USP8: variants seen among roughly 807,000 people sequenced by gnomAD.
USP8 encodes ubiquitin carboxyl-terminal hydrolase 8.
USP8 carries 27 observed loss-of-function variants against 130.0 expected under a neutral mutation model. The ratio of observed to expected loss-of-function variants is 0.21; its 90% CI spans 0.15 to 0.29. The LOEUF (loss-of-function observed/expected upper bound fraction) is 0.29. USP8 is among the 10% of genes least tolerant of loss of function. USP8 has a pLI of 1.00. For synonymous variants in USP8, 392 were observed against 444.1 expected (o/e 0.88, Z 1.48); for missense variants, 1,029 against 1,312.2 (o/e 0.78, Z 3.33).
At chr15:50,490,185 A>C in intron 13 of USP8, 78 bp from the exon 14 acceptor site, 6 of 1,397,736 alleles carry the variant, frequency 4.3e-6, no homozygotes, top group Non-Finnish European at 5.9e-6. Context: ...TTAGCAGAAT[A>C]CTTTGGAGTG....
chr15:50,482,405 TG>T (rs2051807696), intron 11 of USP8, among the ~76,000 whole-genome samples: 1 of 152,226 alleles, frequency 6.6e-6, no homozygotes, highest in Non-Finnish European at 1.5e-5. Flanking sequence ...CTTCTCAGTA[TG>T]GGGAAACTAG....
intron 1 of USP8, 162 bp downstream of exon 1, chr15:50,424,676 G>A (rs2049642080): frequency 2.5e-6 from 1 of 395,366 alleles, no homozygotes; most frequent in Non-Finnish European, 4.5e-6. Context: ...TTGTGGAGAG[G>A]AAAGGCCCAA....
chr15:50,457,001 A>C (rs529848515), intron 4 of USP8, among the ~76,000 whole-genome samples: 1 of 152,256 alleles, frequency 6.6e-6, no homozygotes, highest in African/African-American at 2.4e-5. Context: ...GTGACATGCT[A>C]ATTTCTTCTC....
At chr15:50,464,622 C>A (rs2051121653) in intron 6 of USP8, among the ~76,000 whole-genome samples, 1 of 152,158 alleles carries the variant, frequency 6.6e-6, no homozygotes, top group African/African-American at 2.4e-5. Flanking sequence ...TTTGGGACGC[C>A]AAGGTGGGCA....
intron 12 of USP8, among the ~76,000 whole-genome samples, chr15:50,486,481 C>A (rs143523514): frequency 2.0e-5 from 3 of 151,974 alleles, no homozygotes; most frequent in African/African-American, 7.2e-5. Context: ...AGGGTGAGAC[C>A]CTGTCTCAAA....
chr15:50,474,017 T>G (rs1007249639), intron 8 of USP8, among the ~76,000 whole-genome samples: 4 of 151,636 alleles, frequency 2.6e-5, no homozygotes, highest in African/African-American at 7.3e-5. Context: ...TTACTTACTG[T>G]TTTTTGAAGA....
chr15:50,438,324 C>T (rs2050148856), intron 1 of USP8, among the ~76,000 whole-genome samples: 1 of 152,346 alleles, frequency 6.6e-6, no homozygotes, highest in African/African-American at 2.4e-5. Flanking sequence ...TGGCTTACGC[C>T]TGTAATCCCA....
chr15:50,424,743 T>G, intron 1 of USP8: 1 of 370,622 alleles, frequency 2.7e-6, no homozygotes, highest in Non-Finnish European at 4.8e-6. Flanking sequence ...GTGTGTTTTT[T>G]TGGTTTTAAA....
At chr15:50,424,934 T>G (rs1254676839) in intron 1 of USP8, among the ~76,000 whole-genome samples, 1 of 152,124 alleles carries the variant, frequency 6.6e-6, no homozygotes, top group Non-Finnish European at 1.5e-5. Context: ...TTAGTGAAGT[T>G]TGAGTTTAAA....
intron 6 of USP8, among the ~76,000 whole-genome samples, chr15:50,464,490 G>A (rs1224656993): frequency 6.6e-6 from 1 of 152,094 alleles, no homozygotes; most frequent in Non-Finnish European, 1.5e-5. Context: ...AGGTGTAGCT[G>A]TAAACTCAAC....
intron 7 of USP8, among the ~76,000 whole-genome samples, chr15:50,466,039 C>A (rs2051177617): frequency 2.0e-5 from 3 of 152,050 alleles, no homozygotes; most frequent in African/African-American, 7.2e-5. Flanking sequence ...GGCCTTTAAC[C>A]TATGAAATAA....
At chr15:50,424,547 C>G (rs763153715) in intron 1 of USP8, 33 bp downstream of exon 1, 1 of 398,530 alleles carries the variant, frequency 2.5e-6, no homozygotes, top group Non-Finnish European at 4.4e-6. Context: ...AGCACCTGTT[C>G]TCTGGGAAGT....
intron 3 of USP8, among the ~76,000 whole-genome samples, chr15:50,444,190 A>C (rs1262371620): frequency 7.4e-6 from 1 of 134,962 alleles, no homozygotes. Flanking sequence ...TGCAACCTCC[A>C]CCTCCCAAGT....
chr15:50,439,904 A>G (rs970098867), intron 2 of USP8, among the ~76,000 whole-genome samples: 2 of 151,986 alleles, frequency 1.3e-5, no homozygotes, highest in Non-Finnish European at 1.5e-5. Flanking sequence ...CCTCGGCAAC[A>G]TGGTGAAACC....
At chr15:50,473,443 C>G (rs897739069) in intron 8 of USP8, among the ~76,000 whole-genome samples, 5 of 152,122 alleles carry the variant, frequency 3.3e-5, no homozygotes, top group Non-Finnish European at 7.4e-5. Context: ...ATGCTCAGTA[C>G]AGACATAACC....
intron 3 of USP8, among the ~76,000 whole-genome samples, chr15:50,445,007 C>G (rs939079563): frequency 6.6e-6 from 1 of 152,128 alleles, no homozygotes; most frequent in African/African-American, 2.4e-5. Flanking sequence ...GTCTGCCTGC[C>G]TCGGCCTCCC....
chr15:50,461,775 C>T (rs1000040659), intron 5 of USP8, among the ~76,000 whole-genome samples: 2 of 151,866 alleles, frequency 1.3e-5, no homozygotes, highest in Admixed American at 1.3e-4. Flanking sequence ...ATTGCTTGAA[C>T]CTGAGAGGCA....
At chr15:50,462,205 G>A (rs957475373) in intron 5 of USP8, 75 bp from the exon 6 acceptor site, 1 of 1,255,240 alleles carries the variant, frequency 8.0e-7, no homozygotes. Context: ...CCATTTAAGA[G>A]AAGTAAATGA....
intron 1 of USP8, among the ~76,000 whole-genome samples, chr15:50,425,146 C>A (rs901768973): frequency 6.6e-6 from 1 of 152,194 alleles, no homozygotes; most frequent in African/African-American, 2.4e-5. Flanking sequence ...TTATTTCTTG[C>A]CTCCAGTTCA....
Sources: allele counts gnomAD v4.1 joint callset (sites outside exome capture counted in the v4.1 genomes callset), GRCh38; gene constraint gnomAD v4.1.1; transcripts MANE v1.5; gene names NCBI Gene and HGNC (gene_info 2026-07-23, HGNC 2026-07-21).